Variants in PRR11 observed in about 807,000 individuals in gnomAD.
PRR11 encodes the protein proline rich 11, also known as proline-rich protein 11.
In PRR11, 30 loss-of-function variants were observed where a neutral mutation model predicts 45.6. The observed-to-expected ratio is 0.66, with a 90% CI of 0.49 to 0.89. The LOEUF (loss-of-function observed/expected upper bound fraction) is 0.89, where lower values mean the gene tolerates loss of function less well. Among genes scored for constraint, PRR11 ranks in the 40% least tolerant of loss-of-function variants. PRR11 has a pLI of 0.00. For missense variants in PRR11, 373 were observed against 424.8 expected (o/e 0.88, Z 1.07); for synonymous variants, 128 against 153.5 (o/e 0.83, Z 1.23).
chr17:59,192,928 A>G (rs1056751879), intron 4 of PRR11, among the ~76,000 whole-genome samples: 3 of 151,344 alleles, frequency 2.0e-5, no homozygotes, highest in Non-Finnish European at 4.4e-5. Flanking sequence ...TCTGCAAGGA[A>G]CTCTTCCCCT....
intron 2 of PRR11, among the ~76,000 whole-genome samples, chr17:59,182,037 T>TG (rs921598225): frequency 6.6e-6 from 1 of 151,564 alleles, no homozygotes; most frequent in African/African-American, 2.4e-5. Context: ...TTTTTTTTTT[T>TG]TTTGTTTCGA....
chr17:59,180,279 C>T (rs535118848), intron 2 of PRR11, among the ~76,000 whole-genome samples: 3 of 150,692 alleles, frequency 2.0e-5, no homozygotes, highest in East Asian at 3.9e-4. Context: ...TACAGGTGCC[C>T]GTAATAACGC....
intron 2 of PRR11, chr17:59,178,433 C>A: frequency 2.0e-6 from 1 of 493,532 alleles, no homozygotes. Context: ...CCTGGCAGTG[C>A]ACTGAAGCAG....
rs983780077 is a variant in PRR11, at chr17:59,202,078, C to T, written c.*447C>T. The T allele has an allele frequency of 6.1e-6, 1 of 164,336 alleles. No homozygotes were observed. The highest frequency in any genetic ancestry group is 1.6e-4 in the East Asian group (1 of 6,400). The allele number at this position is 164,336 out of a possible 1,614,324, so 10.2% of individuals were successfully genotyped here. ...TGGAGAATTAGAGTATGTATGGAGC[C>T]CACACATACTGTGATATAAAGTGTA... On this transcript the variant is annotated 3_prime_UTR_variant, in exon 10 of 10. Transcript: ENST00000262293.
chr17:59,156,104 G>T (rs1049152693), intron 1 of PRR11, among the ~76,000 whole-genome samples: 1 of 152,174 alleles, frequency 6.6e-6, no homozygotes, highest in Non-Finnish European at 1.5e-5. Flanking sequence ...CAGATCAGCG[G>T]CATCCGCATC....
In PRR11 at chr17:59,197,608, T is replaced by C. The variant is rs1485795309; in HGVS notation, c.917+5T>C. On this transcript the variant is annotated splice_donor_5th_base_variant and intron_variant, in intron 8 of 9. Coordinates refer to ENST00000262293, the MANE Select transcript of PRR11 (RefSeq NM_018304.4). The stretch of plus-strand genomic sequence containing the variant: ...TAGAAAAGTCGATGTAGAGAGGTAA[T>C]ACACTCTCATATCTTTATGCCTTCT... 2 of 1,612,950 alleles carry C rather than the reference T, an allele frequency of 1.2e-6. No homozygotes were observed. The highest frequency in any genetic ancestry group is 4.5e-5 in the East Asian group (2 of 44,878).
At chr17:59,193,045 C>T (rs112232166) in intron 4 of PRR11, among the ~76,000 whole-genome samples, 1 of 152,242 alleles carries the variant, frequency 6.6e-6, no homozygotes, top group African/African-American at 2.4e-5. Context: ...CACTTCGTTG[C>T]TCTTATTGAA....
At position 59,193,591 on chromosome 17, in the gene PRR11, G is replaced by A; in HGVS notation, c.502G>A (p.Asp168Asn). The A allele has an allele frequency of 6.2e-7, 1 of 1,614,122 alleles. No individual in the cohort carries two copies. The highest frequency in any genetic ancestry group is 8.5e-7 in the Non-Finnish European group (1 of 1,180,042). Residue 168 changes from aspartate (D) to asparagine (N), a missense_variant, in exon 5 of 10, where the codon GAC becomes AAC. Physicochemically the swap from Asp to Asn is conservative, Grantham distance 23. Coordinates refer to ENST00000262293, the MANE Select transcript of PRR11 (RefSeq NM_018304.4). ...VPACVLITPG[D>N]SKAVLPPTLP... is the part of the protein sequence containing the mutation. ...TGCCTGCGTTCTGATCACCCCTGGA[G>A]ACTCCAAAGCTGTGCTTCCTCCCAC...
chr17:59,199,371 A>G (rs2046881781), intron 9 of PRR11, among the ~76,000 whole-genome samples: 1 of 152,222 alleles, frequency 6.6e-6, no homozygotes, highest in Admixed American at 6.5e-5. Flanking sequence ...GTGTGGCTGT[A>G]ACACAGAGAG....
intron 1 of PRR11, among the ~76,000 whole-genome samples, chr17:59,158,728 A>G (rs1350168239): frequency 1.3e-5 from 2 of 152,240 alleles, no homozygotes; most frequent in Admixed American, 1.3e-4. Context: ...ATAGTGAAAG[A>G]CAAAAATGAA....
intron 1 of PRR11, among the ~76,000 whole-genome samples, chr17:59,164,774 G>A (rs2147834105): frequency 6.6e-6 from 1 of 151,848 alleles, no homozygotes; most frequent in Non-Finnish European, 1.5e-5. Flanking sequence ...AGCTACTCCG[G>A]AAGCGGAGGC....
At chr17:59,171,384 G>A (rs1378207166) in intron 2 of PRR11, among the ~76,000 whole-genome samples, 4 of 152,036 alleles carry the variant, frequency 2.6e-5, no homozygotes, top group African/African-American at 7.2e-5. Flanking sequence ...AGAATTTAGG[G>A]GAACTATCAT....
At position 59,202,854 on chromosome 17, in the gene PRR11, C is replaced by A. The variant is rs1481657185; in HGVS notation, c.*1223C>A. The A allele has an allele frequency of 6.6e-6, 1 of 152,082 alleles. No homozygotes were observed. The highest frequency in any genetic ancestry group is 1.5e-5 in the Non-Finnish European group (1 of 68,034). The allele number at this position is 152,082 out of a possible 1,614,324, so 9.4% of individuals were successfully genotyped here. ...ACAGCCTGGGAAACATAGCGAGACC[C>A]TGTCTCTATCAAAAATTTAAAATTA... On this transcript the variant is annotated 3_prime_UTR_variant, in exon 10 of 10. Transcript: ENST00000262293.
intron 1 of PRR11, among the ~76,000 whole-genome samples, chr17:59,167,037 A>C (rs1396938744): frequency 1.3e-5 from 2 of 152,032 alleles, no homozygotes; most frequent in East Asian, 3.9e-4. Context: ...GATGGCGGGC[A>C]CCTGTAGTAC....
chr17:59,183,787 T>C (rs1244164712), intron 2 of PRR11, among the ~76,000 whole-genome samples: 2 of 152,112 alleles, frequency 1.3e-5, no homozygotes, highest in Admixed American at 6.6e-5. Flanking sequence ...AAATATCGCA[T>C]GTACAAAAAG....
intron 1 of PRR11, among the ~76,000 whole-genome samples, chr17:59,156,881 C>A (rs1488360365): frequency 6.6e-6 from 1 of 152,202 alleles, no homozygotes; most frequent in Non-Finnish European, 1.5e-5. Flanking sequence ...CCAGCCTCAG[C>A]CTCCCAAAGT....
intron 2 of PRR11, 92 bp downstream of exon 2, chr17:59,169,972 GC>G: frequency 7.0e-7 from 1 of 1,434,808 alleles, no homozygotes; most frequent in Non-Finnish European, 9.3e-7. Flanking sequence ...TAGAAGGCAG[GC>G]CGGGTGCAGT....
intron 4 of PRR11, among the ~76,000 whole-genome samples, chr17:59,190,445 C>T (rs1194150551): frequency 6.6e-6 from 1 of 151,542 alleles, no homozygotes; most frequent in African/African-American, 2.4e-5. Flanking sequence ...GCACTCCAGC[C>T]CTCTAGCCTG....
At chr17:59,189,501 T>G (rs750881028) in intron 4 of PRR11, among the ~76,000 whole-genome samples, 2 of 151,766 alleles carry the variant, frequency 1.3e-5, no homozygotes, top group Non-Finnish European at 2.9e-5. Flanking sequence ...GCCTGGCTAA[T>G]TTTTGTATTT....
Sources: allele counts gnomAD v4.1 joint callset (sites outside exome capture counted in the v4.1 genomes callset), GRCh38; gene constraint gnomAD v4.1.1; transcripts MANE v1.5; gene names NCBI Gene and HGNC (gene_info 2026-07-23, HGNC 2026-07-21).